ANKRD18A: variants seen among roughly 807,000 people sequenced by gnomAD.
ANKRD18A encodes the protein ankyrin repeat domain 18A, also known as ankyrin repeat domain-containing protein 18A.
A neutral mutation model predicts 110.6 loss-of-function variants in ANKRD18A; 72 were observed. The ratio of observed to expected loss-of-function variants is 0.65; its 90% CI spans 0.54 to 0.79. The LOEUF is 0.79. Among genes scored for constraint, ANKRD18A ranks in the 30% least tolerant of loss-of-function variants. The pLI, the probability that ANKRD18A is intolerant of heterozygous loss-of-function variation, is 0.00. For missense variants in ANKRD18A, 934 were observed against 1,163.3 expected (o/e 0.80, Z 2.87); for synonymous variants, 305 against 410.3 (o/e 0.74, Z 3.10).
intron 5 of ANKRD18A, among the ~76,000 whole-genome samples, chr9:38,607,790 G>C (rs1386301819): frequency 1.3e-5 from 2 of 152,168 alleles, no homozygotes; most frequent in Admixed American, 1.3e-4. Flanking sequence ...TAACCAATAG[G>C]TATTTTGTTT....
Position 38,596,090 on chromosome 9 carries a change from G to A in ANKRD18A, c.1250C>T (p.Ala417Val), listed in dbSNP as rs1307199460. 8 of 1,551,156 alleles carry A rather than the reference G, an allele frequency of 5.2e-6. No individual in the cohort carries two copies. Among genetic ancestry groups the A allele is most frequent in the African/African-American group, 2.7e-5 (2 of 73,000 alleles). The change falls in exon 9 of 16, where the codon GCT (alanine) becomes GTT (valine). Residue 417 changes from alanine to valine, a missense_variant. Physicochemically the swap from Ala to Val is moderately conservative, Grantham distance 64. Coordinates refer to ENST00000399703, the MANE Select transcript of ANKRD18A (RefSeq NM_147195.4). The stretch of plus-strand genomic sequence containing the variant: ...GCTAGAATGGAGGGATTCAACTTCA[G>A]CTTCTAGTCTTTCTTTGTTGTGTTT... ...KEKHNKERLE[A>V]EVESLHSSLA...
intron 10 of ANKRD18A, among the ~76,000 whole-genome samples, chr9:38,591,573 G>A (rs538782617): frequency 1.3e-5 from 2 of 152,310 alleles, no homozygotes; most frequent in South Asian, 4.1e-4. Flanking sequence ...GACAATATTT[G>A]CTATTAGCAT....
chr9:38,615,742 C>T lies in ANKRD18A; in HGVS notation c.347G>A (p.Cys116Tyr). 1 of 1,611,834 alleles carries T rather than the reference C, an allele frequency of 6.2e-7. No homozygotes were observed. Among genetic ancestry groups the T allele is most frequent in the East Asian group, 2.2e-5 (1 of 44,782 alleles). ...GCCACATTCCAGGAGAACGATGGCA[C>T]AAGCCTCTTCCTGGCTGTGTACAGC... is the stretch of plus-strand genomic sequence containing the variant. Reference protein sequence around the residue: ...MKAVHSQEEACAIVLLECGAN... With the variant: ...MKAVHSQEEAYAIVLLECGAN... The change falls in exon 3 of 16, where the codon TGT becomes TAT. Residue 116 changes from cysteine to tyrosine, a missense_variant. Physicochemically the swap from Cys to Tyr is radical, Grantham distance 194. Transcript: ENST00000399703.
Position 38,588,608 on chromosome 9 carries a change from T to C in ANKRD18A, c.2060A>G (p.Asn687Ser), listed in dbSNP as rs1218844620. The C allele has an allele frequency of 2.1e-5, 29 of 1,402,052 alleles. No individual in the cohort carries two copies. The highest frequency in any genetic ancestry group is 1.8e-4 in the Middle Eastern group (1 of 5,408). 86.9% of individuals were successfully genotyped at this position (1,402,052 alleles called of 1,614,324 possible). The change falls in exon 11 of 16, where the codon AAC (asparagine) becomes AGC (serine). Residue 687 changes from asparagine (N) to serine (S), a missense_variant. By Grantham distance (46) the Asn-to-Ser change is conservative (BLOSUM62 1). This residue lies in a region of ANKRD18A where 79 missense variants were observed against 122.8 expected (regional missense o/e 0.64). Transcript: ENST00000399703. The stretch of plus-strand genomic sequence containing the variant: ...CTTTCTTATTTGGTCCGCAGTATAG[T>C]TCAGTAATGATATTAATTCAAAAAG... The part of the protein sequence containing the change: ...RKLFELISLL[N>S]YTADQIRKKN...
intron 3 of ANKRD18A, among the ~76,000 whole-genome samples, chr9:38,613,130 A>G (rs1278578726): frequency 2.6e-5 from 4 of 152,076 alleles, no homozygotes; most frequent in Non-Finnish European, 5.9e-5. Flanking sequence ...ACTTATAAGG[A>G]TGAAGGAGGT....
intron 3 of ANKRD18A, among the ~76,000 whole-genome samples, chr9:38,613,228 C>T (rs1825715898): frequency 6.6e-6 from 1 of 150,618 alleles, no homozygotes; most frequent in Non-Finnish European, 1.5e-5. Context: ...GCGCAGCAGA[C>T]CAAGCAGTGA....
intron 6 of ANKRD18A, among the ~76,000 whole-genome samples, chr9:38,606,864 A>T (rs1360161773): frequency 6.6e-6 from 1 of 152,138 alleles, no homozygotes; most frequent in African/African-American, 2.4e-5. Flanking sequence ...ATTAATACAA[A>T]AATATGTAGA....
chr9:38,619,555 T>C (rs962396912), intron 1 of ANKRD18A, among the ~76,000 whole-genome samples: 1 of 152,162 alleles, frequency 6.6e-6, no homozygotes, highest in Non-Finnish European at 1.5e-5. Context: ...AGATAGCAAG[T>C]GTCATGCAAA....
Position 38,597,211 on chromosome 9 carries a change from G to A in ANKRD18A, c.937-808C>T, listed in dbSNP as rs562565893. ...CCAGATTGAGAGGATGTGACCTTGT[G>A]GGGCTTCAGAAACAGAAAAGAAGCT... On this transcript the variant is annotated intron_variant, in intron 8 of 15. Coordinates refer to ENST00000399703, the MANE Select transcript of ANKRD18A (RefSeq NM_147195.4). Among the ~76,000 whole-genome samples the A allele has an allele frequency of 2.6e-5, 4 of 152,220 alleles. No individual in the cohort carries two copies. The East Asian group carries it at 7.7e-4, about 29-fold the overall frequency.
chr9:38,574,756 C>T (rs1387450733), intron 15 of ANKRD18A, among the ~76,000 whole-genome samples: 2 of 152,098 alleles, frequency 1.3e-5, no homozygotes, highest in Non-Finnish European at 2.9e-5. Flanking sequence ...CTGTCATTCA[C>T]TTGTGATTAT....
At chr9:38,593,590 C>T (rs570124296) in intron 10 of ANKRD18A, among the ~76,000 whole-genome samples, 170 bp downstream of exon 10, 1 of 152,086 alleles carries the variant, frequency 6.6e-6, no homozygotes, top group Admixed American at 6.6e-5. Context: ...TTCAAAATGG[C>T]AGAACAAGAG....
chr9:38,572,302 G>C (rs560581608), intron 15 of ANKRD18A: 2 of 327,330 alleles, frequency 6.1e-6, no homozygotes, highest in South Asian at 8.2e-5. Flanking sequence ...TAAGGTACTA[G>C]AGCCAGCACT....
chr9:38,586,519 T>C (rs1400584295), intron 11 of ANKRD18A, among the ~76,000 whole-genome samples: 2 of 152,106 alleles, frequency 1.3e-5, no homozygotes, highest in Non-Finnish European at 2.9e-5. Flanking sequence ...ATGGTATATA[T>C]AGCAGGTAAA....
chr9:38,590,698 A>G (rs1013665553), intron 10 of ANKRD18A, among the ~76,000 whole-genome samples: 4 of 152,134 alleles, frequency 2.6e-5, no homozygotes, highest in Admixed American at 6.5e-5. Context: ...ACACTCAACT[A>G]TGTCATTGGG....
At chr9:38,610,612 A>G (rs1294213543) in intron 4 of ANKRD18A, among the ~76,000 whole-genome samples, 1 of 152,230 alleles carries the variant, frequency 6.6e-6, no homozygotes, top group Non-Finnish European at 1.5e-5. Flanking sequence ...AAAGGCAGGG[A>G]CAACAAGCAA....
Position 38,571,689 on chromosome 9 carries a change from G to T in ANKRD18A, c.*356C>A. 1 of 1,033,950 alleles carries T rather than the reference G, an allele frequency of 9.7e-7. No individual in the cohort carries two copies. The highest frequency in any genetic ancestry group is 1.2e-6 in the Non-Finnish European group (1 of 862,632). 64.0% of individuals were successfully genotyped at this position (1,033,950 alleles called of 1,614,324 possible). A position where few individuals can be genotyped will look rare whatever the true frequency, so the allele number is the denominator to read the frequency against. On this transcript the variant is annotated 3_prime_UTR_variant, in exon 16 of 16. Coordinates refer to ENST00000399703, the MANE Select transcript of ANKRD18A (RefSeq NM_147195.4). ...TGACCTTTACTAAAGTATCAATGATGACTTGGTTGTTTGGCTGTTTAAACA... is the reference window on the plus strand; with the variant it reads ...TGACCTTTACTAAAGTATCAATGATTACTTGGTTGTTTGGCTGTTTAAACA...
chr9:38,582,217 G>A (rs1463901005), intron 12 of ANKRD18A, among the ~76,000 whole-genome samples: 1 of 152,050 alleles, frequency 6.6e-6, no homozygotes, highest in Non-Finnish European at 1.5e-5. Flanking sequence ...CAGATACTGC[G>A]ACCAAAATTT....
intron 15 of ANKRD18A, among the ~76,000 whole-genome samples, chr9:38,574,824 A>G (rs1823806450): frequency 1.3e-5 from 2 of 152,096 alleles, no homozygotes; most frequent in African/African-American, 4.8e-5. Context: ...GGCTGGGCAC[A>G]GAGGCTCACC....
At chr9:38,580,234 C>T (rs1824097254) in intron 12 of ANKRD18A, among the ~76,000 whole-genome samples, 1 of 152,310 alleles carries the variant, frequency 6.6e-6, no homozygotes, top group Admixed American at 6.5e-5. Flanking sequence ...AGAGAGACAT[C>T]TCTACAAAGT....
Sources: allele counts gnomAD v4.1 joint callset (sites outside exome capture counted in the v4.1 genomes callset), GRCh38; gene constraint gnomAD v4.1.1; regional missense constraint gnomAD v4.1.1; transcripts MANE v1.5; gene names NCBI Gene and HGNC (gene_info 2026-07-23, HGNC 2026-07-21).